The following ELK3 variants were observed in gnomAD, a reference collection of about 807,000 sequenced individuals.
ELK3 encodes ETS domain-containing protein Elk-3.
Under a neutral mutation model 28.9 loss-of-function variants are expected in ELK3, and 10 were observed. That is an observed-to-expected ratio of 0.35 (90% confidence interval 0.21 to 0.59). The LOEUF (loss-of-function observed/expected upper bound fraction) is 0.59, where lower values mean the gene tolerates loss of function less well. ELK3 is among the 20% of genes least tolerant of loss of function. The pLI is 0.82. For synonymous variants in ELK3, 272 were observed against 243.5 expected (o/e 1.12, Z -1.09); for missense variants, 463 against 517.3 (o/e 0.90, Z 1.02).
At chr12:96,235,921 G>A (rs1222245814) in intron 2 of ELK3, among the ~76,000 whole-genome samples, 1 of 152,130 alleles carries the variant, frequency 6.6e-6, no homozygotes, top group Non-Finnish European at 1.5e-5. Flanking sequence ...TCTACCTCCT[G>A]GGTTCGAGCG....
chr12:96,208,187 G>T (rs1409650912), intron 1 of ELK3, among the ~76,000 whole-genome samples: 4 of 152,126 alleles, frequency 2.6e-5, no homozygotes, highest in Non-Finnish European at 5.9e-5. Flanking sequence ...GAGTAGTTGG[G>T]ATTATAGGCG....
Position 96,269,271 on chromosome 12 carries a change from G to T in ELK3, c.*2091G>T, listed in dbSNP as rs1952066694. 1 of 152,090 alleles carries T rather than the reference G, an allele frequency of 6.6e-6. No individual in the cohort carries two copies. The highest frequency in any genetic ancestry group is 2.4e-5 in the African/African-American group (1 of 41,414). The allele number at this position is 152,090 out of a possible 1,614,324, so 9.4% of individuals were successfully genotyped here. ...TTTAAAACTGTGTTGTCAGATAAGA[G>T]AACACATCCAAAATGCATGATTCTT... On this transcript the variant is annotated 3_prime_UTR_variant, in exon 5 of 5. Coordinates refer to ENST00000228741, the MANE Select transcript of ELK3 (RefSeq NM_005230.4).
At chr12:96,202,444 A>C (rs722527) in intron 1 of ELK3, among the ~76,000 whole-genome samples, 128,483 of 151,166 alleles carry the variant, frequency 0.85, 54,679 homozygotes, top group Middle Eastern at 0.92. Flanking sequence ...ACCATGTTTT[A>C]TTGGGGAAGC....
chr12:96,249,413 GAT>G (rs991943669), intron 3 of ELK3, among the ~76,000 whole-genome samples: 1 of 152,152 alleles, frequency 6.6e-6, no homozygotes, highest in African/African-American at 2.4e-5. Context: ...AGGGGATCAG[GAT>G]ATAGGTCAGA....
chr12:96,205,079 C>T (rs1368790420), intron 1 of ELK3, among the ~76,000 whole-genome samples: 1 of 152,216 alleles, frequency 6.6e-6, no homozygotes, highest in Non-Finnish European at 1.5e-5. Flanking sequence ...AGAGTCACTA[C>T]CCATGTAGGA....
rs555376474 is a variant in ELK3, at chr12:96,247,437, C to T, written c.705C>T (p.Ser235=). ...TGCCAAACGCTGCCAGTATTTCATCCGCCTCACCCTTCTCATCTCGGTCCC... is the reference window on the plus strand; with the variant it reads ...TGCCAAACGCTGCCAGTATTTCATCTGCCTCACCCTTCTCATCTCGGTCCC... ...LMLPNAASIS[S]ASPFSSRSPS... The change falls in exon 3 of 5, where the codon TCC becomes TCT. Residue 235 remains serine, a synonymous_variant. Coordinates refer to ENST00000228741, the MANE Select transcript of ELK3 (RefSeq NM_005230.4). The surrounding 1 kb of genome is among the most constrained non-coding windows in gnomAD (Gnocchi z 5.5). 3.7e-5 allele frequency: 60 copies of T among 1,613,994 alleles called. No homozygotes were observed. Among genetic ancestry groups the T allele is most frequent in the South Asian group, 5.5e-5 (5 of 91,078 alleles).
intron 1 of ELK3, among the ~76,000 whole-genome samples, chr12:96,196,154 C>T (rs1029647450): frequency 5.9e-5 from 9 of 152,180 alleles, no homozygotes; most frequent in Non-Finnish European, 1.0e-4. Context: ...TTCCGCTGCT[C>T]GGCACAGGAG....
At chr12:96,254,816 G>T (rs1159084971) in intron 3 of ELK3, among the ~76,000 whole-genome samples, 2 of 152,110 alleles carry the variant, frequency 1.3e-5, no homozygotes, top group Non-Finnish European at 2.9e-5. Context: ...TTCCTGGAGG[G>T]GGTGAGACCA....
In ELK3 at chr12:96,223,614, G is replaced by A; in HGVS notation, c.48G>A (p.Leu16=). 6.2e-7 allele frequency: 1 copy of A among 1,614,124 alleles called. No homozygotes were observed. The highest frequency in any genetic ancestry group is 1.7e-5 in the Admixed American group (1 of 60,020). ...GGCAGTTCCTGTTGCAGTTGCTGCT[G>A]GATCAGAAACATGAGCATTTGATCT... is the stretch of plus-strand genomic sequence containing the variant. ...TLWQFLLQLL[L]DQKHEHLICW... Residue 16 remains leucine (L), a synonymous_variant, in exon 2 of 5, where the codon CTG becomes CTA. Transcript: ENST00000228741.
intron 1 of ELK3, among the ~76,000 whole-genome samples, chr12:96,211,755 C>A (rs1163886526): frequency 6.6e-6 from 1 of 152,094 alleles, no homozygotes; most frequent in Non-Finnish European, 1.5e-5. Flanking sequence ...CATCAGGCAG[C>A]CTTGGACCAC....
intron 2 of ELK3, among the ~76,000 whole-genome samples, chr12:96,237,570 C>T (rs1951793265): frequency 6.6e-6 from 1 of 152,246 alleles, no homozygotes; most frequent in South Asian, 2.1e-4. Flanking sequence ...TTCACTCCTT[C>T]TCCATTCCTC....
rs7138181 is a variant in ELK3, at chr12:96,239,852, G to A, written c.208-7088G>A. 1.7e-3 allele frequency among the ~76,000 whole-genome samples: 265 copies of A among 152,366 alleles called. 1 individual carries two copies. Among genetic ancestry groups the A allele is most frequent in the African/African-American group, 5.8e-3 (243 of 41,594 alleles). ...CTGCTCTGAGAAGCCGCCGGGAGCAGTTGAGATGAGCTGGGTGCCTGGTTA... is the reference window on the plus strand; with the variant it reads ...CTGCTCTGAGAAGCCGCCGGGAGCAATTGAGATGAGCTGGGTGCCTGGTTA... On this transcript the variant is annotated intron_variant, in intron 2 of 4. Transcript: ENST00000228741.
intron 4 of ELK3, among the ~76,000 whole-genome samples, 155 bp from the exon 5 acceptor site, chr12:96,266,927 C>T (rs1320499759): frequency 6.6e-6 from 1 of 152,210 alleles, no homozygotes; most frequent in Admixed American, 6.5e-5. Context: ...TCATTGTCAT[C>T]TTCCAATTAT....
At chr12:96,251,751 T>C (rs1441146648) in intron 3 of ELK3, among the ~76,000 whole-genome samples, 1 of 152,202 alleles carries the variant, frequency 6.6e-6, no homozygotes, top group East Asian at 1.9e-4. Context: ...TTCAATTCTT[T>C]GAATGCTGAG....
chr12:96,210,562 C>CAA, intron 1 of ELK3, among the ~76,000 whole-genome samples: 3 of 129,328 alleles, frequency 2.3e-5, no homozygotes, highest in African/African-American at 9.1e-5. Flanking sequence ...CGCGCGGGCG[C>CAA]ACGCACACAC....
chr12:96,224,703 C>G lies in ELK3; in HGVS notation c.207+930C>G, dbSNP rs185221241. ...TGCTGTTTAGGAGAACCATTTCAGG[C>G]CTTAATTGTTAGCCATTTCAGTTTG... On this transcript the variant is annotated intron_variant, in intron 2 of 4. Transcript: ENST00000228741. 6.6e-5 allele frequency among the ~76,000 whole-genome samples: 10 copies of G among 152,316 alleles called. No individual in the cohort carries two copies. The East Asian group carries it at 1.9e-3, about 29-fold the overall frequency.
intron 1 of ELK3, chr12:96,213,969 C>T (rs1320996227): frequency 9.5e-6 from 1 of 105,158 alleles, no homozygotes; most frequent in Non-Finnish European, 2.2e-5. Flanking sequence ...AACTGTCCTC[C>T]CTCCTCGGTC....
chr12:96,203,072 G>A (rs892624004), intron 1 of ELK3, among the ~76,000 whole-genome samples: 5 of 151,606 alleles, frequency 3.3e-5, no homozygotes, highest in Admixed American at 6.6e-5. Context: ...TAGTAGAGAC[G>A]GGGTTTCACC....
chr12:96,233,277 T>A (rs914644490), intron 2 of ELK3, among the ~76,000 whole-genome samples: 2 of 152,168 alleles, frequency 1.3e-5, no homozygotes, highest in African/African-American at 2.4e-5. Flanking sequence ...ACCTGGAAGC[T>A]TTCACAACCC....
Sources: gnomAD v4.1 joint callset for allele counts (sites outside exome capture counted in the v4.1 genomes callset) on GRCh38, gnomAD v4.1.1 for gene constraint, Gnocchi (gnomAD v3.1) non-coding constraint, MANE v1.5 for transcripts, NCBI Gene and HGNC (gene_info 2026-07-23, HGNC 2026-07-21) for gene names.